The following CDC73 variants were observed in gnomAD, a reference collection of about 807,000 sequenced individuals.
CDC73 encodes cell division cycle 73.
In CDC73, 21 loss-of-function variants were observed where a neutral mutation model predicts 83.7. The ratio of observed to expected loss-of-function variants is 0.25; its 90% CI spans 0.18 to 0.36. The LOEUF is 0.36. Among genes scored for constraint, CDC73 ranks in the 10% least tolerant of loss-of-function variants. The probability of loss-of-function intolerance (pLI) is 1.00; values close to 1 mark genes in which losing one functional copy is unlikely to be tolerated. For missense variants in CDC73, 342 were observed against 653.3 expected, an observed-to-expected ratio of 0.52 and a Z score of 5.19; for synonymous variants, 224 against 212.9, an observed-to-expected ratio of 1.05 and a Z score of -0.45.
chr1:193,144,836 TGAAG>T (rs951819802), intron 7 of CDC73, among the ~76,000 whole-genome samples: 1 of 151,114 alleles, frequency 6.6e-6, no homozygotes, highest in African/African-American at 2.4e-5. Context: ...TTTTTTTAAA[TGAAG>T]GAAATAAATT....
At position 193,218,948 on chromosome 1, in the gene CDC73, T is replaced by C. The variant is rs573336139; in HGVS notation, c.1154+6471T>C. ...AAAAGCTTCTGCCCAGCAAAAGACA[T>C]TGTCAACAGAGTAAACAGACAACAT... On this transcript the variant is annotated intron_variant, in intron 13 of 16. Coordinates refer to ENST00000367435, the MANE Select transcript of CDC73 (RefSeq NM_024529.5). Among the ~76,000 whole-genome samples the C allele has an allele frequency of 3.2e-4, 49 of 152,256 alleles. 1 individual carries two copies. The South Asian group carries it at 7.7e-3, about 24-fold the overall frequency.
chr1:193,173,133 T>G (rs1347740844), intron 10 of CDC73, among the ~76,000 whole-genome samples: 1 of 152,222 alleles, frequency 6.6e-6, no homozygotes, highest in Non-Finnish European at 1.5e-5. Context: ...TCTGGTTTGC[T>G]CTCTGCAGGT....
chr1:193,135,036 ATATATGTGTG>A (rs1331663326), intron 3 of CDC73, among the ~76,000 whole-genome samples: 2 of 131,466 alleles, frequency 1.5e-5, no homozygotes, highest in African/African-American at 2.4e-5. Context: ...TCTTGTCCAT[ATATATGTGTG>A]TGTATGTGTG....
At chr1:193,181,546 C>T (rs1676717039) in intron 10 of CDC73, 7 of 1,594,040 alleles carry the variant, frequency 4.4e-6, no homozygotes, top group Non-Finnish European at 6.0e-6. Context: ...GCAGTGTCTT[C>T]TCCTCCACTG....
At chr1:193,175,694 C>T (rs557224983) in intron 10 of CDC73, among the ~76,000 whole-genome samples, 2 of 152,232 alleles carry the variant, frequency 1.3e-5, no homozygotes, top group African/African-American at 4.8e-5. Context: ...CTAGAGATTA[C>T]TTAAAGTATG....
intron 7 of CDC73, among the ~76,000 whole-genome samples, chr1:193,144,059 A>G (rs971117396): frequency 3.7e-5 from 5 of 134,126 alleles, no homozygotes; most frequent in African/African-American, 1.1e-4. Flanking sequence ...GTTGTGAGCT[A>G]AGATTGTGCC....
At chr1:193,126,023 C>G (rs988228837) in intron 2 of CDC73, among the ~76,000 whole-genome samples, 2 of 152,092 alleles carry the variant, frequency 1.3e-5, no homozygotes, top group Non-Finnish European at 2.9e-5. Context: ...CTACTTGGGA[C>G]TCTAAGGCGG....
chr1:193,181,192 T>C (rs753586830), intron 10 of CDC73: 1 of 1,613,916 alleles, frequency 6.2e-7, no homozygotes, highest in Non-Finnish European at 8.5e-7. Context: ...ACCTTTTTCA[T>C]TGTAAATACT....
At position 193,122,149 on chromosome 1, in the gene CDC73, G is replaced by C; in HGVS notation, c.-52G>C. 6.3e-7 allele frequency: 1 copy of C among 1,585,236 alleles called. No homozygotes were observed. Among genetic ancestry groups the C allele is most frequent in the Non-Finnish European group, 8.7e-7 (1 of 1,154,760 alleles). On this transcript the variant is annotated 5_prime_UTR_variant, in exon 1 of 17. Transcript: ENST00000367435. ...GAGGCGACAAGAGAAGAAGGAGGCA[G>C]GCGCGGCGGCAGCGGCGGCGCCCCG...
intron 10 of CDC73, chr1:193,179,707 T>C (rs1676678429): frequency 6.6e-6 from 1 of 152,546 alleles, no homozygotes; most frequent in Admixed American, 6.5e-5. Flanking sequence ...TTTAAAATAA[T>C]ATCTCAGTTA....
At chr1:193,202,122 A>T (rs1012332577) in intron 10 of CDC73, among the ~76,000 whole-genome samples, 1 of 152,238 alleles carries the variant, frequency 6.6e-6, no homozygotes, top group Admixed American at 6.5e-5. Flanking sequence ...TACTCTTATT[A>T]TATAATGTCT....
chr1:193,239,601 T>A (rs957722570), intron 15 of CDC73, among the ~76,000 whole-genome samples: 5 of 152,210 alleles, frequency 3.3e-5, no homozygotes, highest in East Asian at 3.8e-4. Context: ...GGTTGACATT[T>A]AAAATTTTTT....
chr1:193,127,907 C>T (rs1445320213), intron 2 of CDC73: 1 of 150,984 alleles, frequency 6.6e-6, no homozygotes, highest in Admixed American at 6.6e-5. Context: ...TCTCCTGCCT[C>T]AGCCTCCCAA....
At chr1:193,224,288 A>C (rs1677522819) in intron 13 of CDC73, among the ~76,000 whole-genome samples, 1 of 151,988 alleles carries the variant, frequency 6.6e-6, no homozygotes, top group Non-Finnish European at 1.5e-5. Context: ...ATAAAGTCAT[A>C]GTTTTTAAGG....
At chr1:193,166,674 A>C (rs1197157793) in intron 10 of CDC73, among the ~76,000 whole-genome samples, 38 of 144,522 alleles carry the variant, frequency 2.6e-4, no homozygotes, top group Non-Finnish European at 6.0e-5. Flanking sequence ...TTTGAGACCG[A>C]GTTTTGCTCT....
At chr1:193,137,397 T>C (rs1189568941) in intron 5 of CDC73, among the ~76,000 whole-genome samples, 1 of 152,262 alleles carries the variant, frequency 6.6e-6, no homozygotes, top group Non-Finnish European at 1.5e-5. Context: ...TCATTGACTC[T>C]GGTCCTCAGT....
intron 13 of CDC73, among the ~76,000 whole-genome samples, chr1:193,213,026 A>T (rs553719599): frequency 3.3e-5 from 5 of 152,292 alleles, no homozygotes; most frequent in African/African-American, 9.6e-5. Flanking sequence ...TGTTCTAATA[A>T]ACATGCATCA....
At chr1:193,162,947 A>T (rs935482634) in intron 10 of CDC73, among the ~76,000 whole-genome samples, 2 of 152,200 alleles carry the variant, frequency 1.3e-5, no homozygotes, top group East Asian at 1.9e-4. Flanking sequence ...CTGAATTCTT[A>T]CTTGTGTTCT....
intron 15 of CDC73, among the ~76,000 whole-genome samples, chr1:193,237,651 TA>T (rs1241367149): frequency 6.6e-6 from 1 of 152,086 alleles, no homozygotes; most frequent in Non-Finnish European, 1.5e-5. Context: ...GTGACCACGT[TA>T]ATTACCCACA....
Sources: allele counts gnomAD v4.1 joint callset (sites outside exome capture counted in the v4.1 genomes callset), GRCh38; gene constraint gnomAD v4.1.1; transcripts MANE v1.5; gene names NCBI Gene and HGNC (gene_info 2026-07-23, HGNC 2026-07-21).